Variants in GPC5 observed in about 807,000 individuals in gnomAD.
The protein encoded by GPC5 is glypican 5, also known as glypican-5.
A neutral mutation model predicts 53.9 loss-of-function variants in GPC5; 47 were observed. The ratio of observed to expected loss-of-function variants is 0.87; its 90% CI spans 0.69 to 1.11. GPC5 has a LOEUF of 1.11. Among genes scored for constraint, GPC5 ranks in the 50% most tolerant of loss-of-function variants. The pLI is 0.00. For synonymous variants in GPC5, 286 were observed against 263.3 expected, an observed-to-expected ratio of 1.09 and a Z score of -0.84; for missense variants, 748 against 713.1, an observed-to-expected ratio of 1.05 and a Z score of -0.56.
chr13:91,760,076 C>G (rs1044127286), intron 5 of GPC5, among the ~76,000 whole-genome samples: 9 of 151,808 alleles, frequency 5.9e-5, no homozygotes, highest in Non-Finnish European at 1.2e-4. Flanking sequence ...TAAAGTGATA[C>G]AAGAATTATG....
At chr13:92,326,228 C>A (rs2043249768) in intron 7 of GPC5, among the ~76,000 whole-genome samples, 1 of 152,030 alleles carries the variant, frequency 6.6e-6, no homozygotes, top group African/African-American at 2.4e-5. Flanking sequence ...AGGTGTAATT[C>A]TACTTGCCGG....
At chr13:92,142,286 A>G (rs935020240) in intron 6 of GPC5, among the ~76,000 whole-genome samples, 1 of 152,204 alleles carries the variant, frequency 6.6e-6, no homozygotes, top group Non-Finnish European at 1.5e-5. Flanking sequence ...GATTAATGGC[A>G]TCAGTTACAT....
chr13:92,527,331 T>C (rs1302939220), intron 7 of GPC5, among the ~76,000 whole-genome samples: 1 of 152,020 alleles, frequency 6.6e-6, no homozygotes, highest in Non-Finnish European at 1.5e-5. Context: ...GGACCTACCA[T>C]ATTTATGCGT....
intron 7 of GPC5, among the ~76,000 whole-genome samples, chr13:92,547,819 CTTTTTTTTTTTTT>C (rs567478017): frequency 2.0e-5 from 2 of 100,440 alleles, no homozygotes; most frequent in Admixed American, 1.3e-4. Context: ...GCCTATTATT[CTTTTTTTTTTTTT>C]TTTTTTTTTT....
Position 92,863,198 on chromosome 13 carries a change from C to T in GPC5, c.1562-3084C>T, listed in dbSNP as rs1879235593. Among the ~76,000 whole-genome samples the T allele has an allele frequency of 2.0e-5, 3 of 152,124 alleles. No individual in the cohort carries two copies. In the South Asian group the frequency reaches 6.2e-4, roughly 31 times the overall value. On this transcript the variant is annotated intron_variant, in intron 7 of 7. Coordinates refer to ENST00000377067, the MANE Select transcript of GPC5 (RefSeq NM_004466.6). ...TGACTTGGTGGTGCCAAGCAATGTG[C>T]TTGGAATCAGGGAGGCAGGTGATCA...
At chr13:91,723,076 T>G (rs986755020) in intron 3 of GPC5, among the ~76,000 whole-genome samples, 1 of 152,204 alleles carries the variant, frequency 6.6e-6, no homozygotes, top group African/African-American at 2.4e-5. Context: ...CTTATGGAAT[T>G]ATTTGTACCT....
chr13:92,692,000 T>C (rs932550630), intron 7 of GPC5, among the ~76,000 whole-genome samples: 1 of 152,152 alleles, frequency 6.6e-6, no homozygotes, highest in East Asian at 1.9e-4. Flanking sequence ...TATGGAACAG[T>C]TAATTTTTCA....
intron 7 of GPC5, among the ~76,000 whole-genome samples, chr13:92,224,332 T>G (rs2042469401): frequency 6.6e-6 from 1 of 152,208 alleles, no homozygotes; most frequent in African/African-American, 2.4e-5. Flanking sequence ...GAAGTTTTCT[T>G]GTCAATTCTT....
intron 7 of GPC5, among the ~76,000 whole-genome samples, chr13:92,426,864 C>A (rs1424726426): frequency 6.6e-6 from 1 of 151,866 alleles, no homozygotes; most frequent in Non-Finnish European, 1.5e-5. Context: ...ATCTACTTAA[C>A]TGTAGAGAAT....
chr13:91,939,973 C>G (rs1403754471), intron 6 of GPC5, among the ~76,000 whole-genome samples: 3 of 152,120 alleles, frequency 2.0e-5, no homozygotes, highest in Non-Finnish European at 4.4e-5. Flanking sequence ...TCTTTTAATG[C>G]TTACATGGCC....
rs146805305 is a variant in GPC5, at chr13:92,421,654, G to A, written c.1561+276665G>A. 3.3e-3 allele frequency among the ~76,000 whole-genome samples: 446 copies of A among 135,648 alleles called. 3 individuals are homozygous for A. Among genetic ancestry groups the A allele is most frequent in the African/African-American group, 0.012 (422 of 34,894 alleles). 89.0% of individuals were successfully genotyped at this position (135,648 alleles called of 152,430 possible). A position where few individuals can be genotyped will look rare whatever the true frequency, so the allele number is the denominator to read the frequency against. On this transcript the variant is annotated intron_variant, in intron 7 of 7. Transcript: ENST00000377067. The stretch of plus-strand genomic sequence containing the variant: ...GAGGAGCTTGCAGTGAGCTGAGATC[G>A]CGCCACTGCACTCCAGCCTGTGCCA...
intron 1 of GPC5, among the ~76,000 whole-genome samples, chr13:91,433,663 G>C (rs1200923364): frequency 6.6e-6 from 1 of 151,724 alleles, no homozygotes; most frequent in East Asian, 1.9e-4. Context: ...ATAAACATAC[G>C]TGTGCATGTG....
intron 2 of GPC5, among the ~76,000 whole-genome samples, chr13:91,467,513 T>C (rs984864476): frequency 1.3e-5 from 2 of 152,308 alleles, no homozygotes; most frequent in East Asian, 3.9e-4. Context: ...TCCCTTCTTA[T>C]GCTCTCAGTT....
chr13:92,816,049 A>G (rs896395420), intron 7 of GPC5, among the ~76,000 whole-genome samples: 1 of 152,060 alleles, frequency 6.6e-6, no homozygotes, highest in Non-Finnish European at 1.5e-5. Flanking sequence ...TTTGCCCATG[A>G]AGGGTATTTA....
intron 2 of GPC5, among the ~76,000 whole-genome samples, chr13:91,612,440 A>T (rs2033581925): frequency 6.6e-6 from 1 of 152,182 alleles, no homozygotes; most frequent in Admixed American, 6.5e-5. Context: ...TTTTAACATC[A>T]CAAACATTCA....
chr13:92,540,621 A>G (rs549589640), intron 7 of GPC5, among the ~76,000 whole-genome samples: 1 of 152,070 alleles, frequency 6.6e-6, no homozygotes, highest in South Asian at 2.1e-4. Context: ...CAGTGGTCCA[A>G]TTCAAAACTA....
chr13:92,155,209 G>A (rs1454483233), intron 7 of GPC5, among the ~76,000 whole-genome samples: 1 of 152,056 alleles, frequency 6.6e-6, no homozygotes, highest in African/African-American at 2.4e-5. Context: ...AATTAATTTT[G>A]TTCAATACAA....
At chr13:91,883,754 T>C (rs557108942) in intron 5 of GPC5, among the ~76,000 whole-genome samples, 12 of 152,336 alleles carry the variant, frequency 7.9e-5, no homozygotes, top group Admixed American at 7.8e-4. Flanking sequence ...CAAACTGGCA[T>C]GGGACCATTG....
At chr13:92,097,523 A>G (rs2138906233) in intron 6 of GPC5, among the ~76,000 whole-genome samples, 1 of 152,370 alleles carries the variant, frequency 6.6e-6, no homozygotes, top group Non-Finnish European at 1.5e-5. Flanking sequence ...ATATGAAGGG[A>G]TTAAGTGTGT....
Sources: gnomAD v4.1 joint callset for allele counts (sites outside exome capture counted in the v4.1 genomes callset) on GRCh38, gnomAD v4.1.1 for gene constraint, MANE v1.5 for transcripts, NCBI Gene and HGNC (gene_info 2026-07-23, HGNC 2026-07-21) for gene names.